Variants in PATJ observed in about 807,000 individuals in gnomAD.
The protein encoded by PATJ is PATJ crumbs cell polarity complex component, also known as inaD-like protein.
A neutral mutation model predicts 224.9 loss-of-function variants in PATJ; 190 were observed. The observed-to-expected ratio is 0.84, with a 90% CI of 0.75 to 0.95. The LOEUF (loss-of-function observed/expected upper bound fraction) is 0.95. PATJ is among the 40% of genes least tolerant of loss of function. The pLI, the probability that PATJ is intolerant of heterozygous loss-of-function variation, is 0.00. For synonymous variants in PATJ, 769 were observed against 820.3 expected (o/e 0.94, Z 1.07); for missense variants, 2,121 against 2,270.3 (o/e 0.93, Z 1.34).
At chr1:61,813,875 A>G (rs544894562) in intron 14 of PATJ, among the ~76,000 whole-genome samples, 1 of 152,314 alleles carries the variant, frequency 6.6e-6, no homozygotes, top group Admixed American at 6.5e-5. Context: ...CTAAAGAGAA[A>G]TAGTATTTCG....
chr1:61,752,240 G>C (rs1194947482), intron 1 of PATJ, among the ~76,000 whole-genome samples: 1 of 150,244 alleles, frequency 6.7e-6, no homozygotes, highest in Non-Finnish European at 1.5e-5. Context: ...GGTTAACTTT[G>C]AATAGTTTAA....
intron 27 of PATJ, among the ~76,000 whole-genome samples, chr1:61,939,317 T>TCACACACACACACA (rs60430174): frequency 2.5e-4 from 36 of 142,568 alleles, no homozygotes; most frequent in Middle Eastern, 3.5e-3. Flanking sequence ...AACTTTGCAT[T>TCACACACACACACA]CACACACACA....
At chr1:61,750,626 G>T (rs1002602303) in intron 1 of PATJ, among the ~76,000 whole-genome samples, 1 of 151,890 alleles carries the variant, frequency 6.6e-6, no homozygotes, top group Admixed American at 6.6e-5. Context: ...TTTGAGTAGA[G>T]ACGGGGGTTT....
chr1:61,912,964 A>G (rs552891962), intron 25 of PATJ, among the ~76,000 whole-genome samples: 17 of 152,296 alleles, frequency 1.1e-4, no homozygotes, highest in Middle Eastern at 6.8e-3. Flanking sequence ...TTAAACAGAG[A>G]TAGAAATATT....
At chr1:61,817,509 C>G (rs1656364589) in intron 14 of PATJ, among the ~76,000 whole-genome samples, 1 of 152,032 alleles carries the variant, frequency 6.6e-6, no homozygotes, top group Admixed American at 6.6e-5. Context: ...ACTAAAAATA[C>G]AAAAATTAGC....
At chr1:62,058,196 G>C (rs1654854992) in intron 31 of PATJ, among the ~76,000 whole-genome samples, 1 of 152,136 alleles carries the variant, frequency 6.6e-6, no homozygotes, top group African/African-American at 2.4e-5. Flanking sequence ...ATAGAAAGAT[G>C]CCTGAGGAAG....
At chr1:61,969,121 A>G (rs572154373) in intron 27 of PATJ, among the ~76,000 whole-genome samples, 5 of 152,192 alleles carry the variant, frequency 3.3e-5, no homozygotes, top group East Asian at 1.9e-4. Context: ...GTTTTTTTCT[A>G]TTCATCTGAT....
chr1:62,117,482 C>T lies in PATJ; in HGVS notation c.4890+264C>T, dbSNP rs542066113. 5.9e-5 allele frequency: 65 copies of T among 1,094,216 alleles called. No homozygotes were observed. The East Asian group carries it at 2.1e-3, about 35-fold the overall frequency. 67.8% of individuals were successfully genotyped at this position (1,094,216 alleles called of 1,614,324 possible). On this transcript the variant is annotated intron_variant, in intron 37 of 43. Coordinates refer to ENST00000642238, the MANE Select transcript of PATJ (RefSeq NM_001350145.3). The stretch of plus-strand genomic sequence containing the variant: ...CTATTAGTTCTATATTGCCTATGCA[C>T]GCATGTACACAGCTGTGTTTATTTA...
intron 31 of PATJ, among the ~76,000 whole-genome samples, chr1:62,066,916 A>G (rs1222535099): frequency 6.6e-6 from 1 of 152,040 alleles, no homozygotes; most frequent in Non-Finnish European, 1.5e-5. Flanking sequence ...GGATCAGTTG[A>G]ATCATGAGTC....
intron 17 of PATJ, among the ~76,000 whole-genome samples, chr1:61,853,740 C>A (rs983135589): frequency 1.3e-5 from 2 of 152,178 alleles, no homozygotes; most frequent in Non-Finnish European, 2.9e-5. Flanking sequence ...TGCCACTGTA[C>A]TTTTTGGTTC....
chr1:62,123,324 C>A (rs1665309335), intron 39 of PATJ, among the ~76,000 whole-genome samples: 1 of 151,920 alleles, frequency 6.6e-6, no homozygotes, highest in African/African-American at 2.4e-5. Context: ...TTTTTTCAAT[C>A]TTAGTCTTTT....
chr1:61,908,162 T>C (rs1364646979), intron 24 of PATJ, among the ~76,000 whole-genome samples: 1 of 152,232 alleles, frequency 6.6e-6, no homozygotes. Flanking sequence ...ATTTTTCTTA[T>C]CTACTTTTCT....
chr1:62,072,386 A>G (rs967910653), intron 31 of PATJ: 1 of 152,136 alleles, frequency 6.6e-6, no homozygotes, highest in African/African-American at 2.4e-5. Flanking sequence ...ATAGTTTTAT[A>G]GGGATATTAG....
intron 14 of PATJ, among the ~76,000 whole-genome samples, chr1:61,814,547 T>TGTGTGTGTGTGTGTGCGCGCGCGC (rs370488022): frequency 4.2e-5 from 6 of 142,492 alleles, no homozygotes; most frequent in African/African-American, 1.6e-4. Flanking sequence ...TGTGTGTGTG[T>TGTGTGTGTGTGTGTGCGCGCGCGC]GCGCGCGCGC....
chr1:62,134,315 C>T (rs1666583735), intron 41 of PATJ, among the ~76,000 whole-genome samples: 1 of 145,992 alleles, frequency 6.8e-6, no homozygotes. Flanking sequence ...TGTGAGCCAT[C>T]GCACCCAGCC....
At chr1:62,056,554 G>C (rs1399270121) in intron 31 of PATJ, among the ~76,000 whole-genome samples, 1 of 152,078 alleles carries the variant, frequency 6.6e-6, no homozygotes, top group Non-Finnish European at 1.5e-5. Context: ...GCCGAGGCTG[G>C]TGGATCACCT....
At chr1:62,081,130 A>G (rs1319059014) in intron 32 of PATJ, among the ~76,000 whole-genome samples, 1 of 152,148 alleles carries the variant, frequency 6.6e-6, no homozygotes, top group Non-Finnish European at 1.5e-5. Context: ...AAATATGTAT[A>G]CTTGGCACTT....
chr1:61,846,862 G>A (rs1223420935), intron 17 of PATJ, among the ~76,000 whole-genome samples: 1 of 152,198 alleles, frequency 6.6e-6, no homozygotes, highest in African/African-American at 2.4e-5. Flanking sequence ...GCCTCCCAAA[G>A]TGCTGGGATT....
At chr1:61,853,793 A>G (rs970819017) in intron 17 of PATJ, among the ~76,000 whole-genome samples, 1 of 152,142 alleles carries the variant, frequency 6.6e-6, no homozygotes, top group African/African-American at 2.4e-5. Flanking sequence ...CTACTTGAAA[A>G]TACTGGTGTA....
Sources: allele counts gnomAD v4.1 joint callset (sites outside exome capture counted in the v4.1 genomes callset), GRCh38; gene constraint gnomAD v4.1.1; transcripts MANE v1.5; gene names NCBI Gene and HGNC (gene_info 2026-07-23, HGNC 2026-07-21).